The following ZNF280C variants were observed in gnomAD, a reference collection of about 807,000 sequenced individuals.
The protein encoded by ZNF280C is zinc finger protein 280C, also known as suppressor of hairy wing homolog 3.
ZNF280C carries 14 observed loss-of-function variants against 53.6 expected under a neutral mutation model. That is an observed-to-expected ratio of 0.26 (90% confidence interval 0.17 to 0.41). The LOEUF (loss-of-function observed/expected upper bound fraction) is 0.41. Ranked by LOEUF, ZNF280C falls within the 10% of genes least tolerant of loss-of-function variation. The probability of loss-of-function intolerance (pLI) is 1.00; values close to 1 mark genes in which losing one functional copy is unlikely to be tolerated. For synonymous variants in ZNF280C, 203 were observed against 181.1 expected (o/e 1.12, Z -0.97); for missense variants, 416 against 547.1 (o/e 0.76, Z 2.39).
chrX:130,267,831 C>A (rs1197877503), intron 1 of ZNF280C, among the ~76,000 whole-genome samples: 1 of 111,837 alleles, frequency 8.9e-6, no homozygotes, highest in Non-Finnish European at 1.9e-5. Flanking sequence ...GACATTACAA[C>A]TCATAGTCCA....
intron 8 of ZNF280C, 128 bp from the exon 9 acceptor site, chrX:130,230,855 CTGACCAAA>C: frequency 2.6e-6 from 1 of 385,068 alleles, no homozygotes; most frequent in Non-Finnish European, 4.3e-6. Context: ...TAGAAAGATA[CTGACCAAA>C]ATTGTGGCTT....
intron 10 of ZNF280C, 135 bp downstream of exon 10, chrX:130,228,842 A>G (rs1392419712): frequency 2.4e-5 from 14 of 583,347 alleles, no homozygotes; most frequent in South Asian, 1.9e-4. Flanking sequence ...AAAAGTTATG[A>G]TTTTTTTTTT....
intron 2 of ZNF280C, among the ~76,000 whole-genome samples, chrX:130,248,634 G>A (rs1042128613): frequency 1.8e-5 from 2 of 111,324 alleles, no homozygotes; most frequent in African/African-American, 6.5e-5. Context: ...GCACTCTTTG[G>A]TCAGCTGTCC....
chrX:130,233,349 G>A (rs898776779), intron 8 of ZNF280C, among the ~76,000 whole-genome samples: 25 of 111,716 alleles, frequency 2.2e-4, no homozygotes, highest in Non-Finnish European at 5.6e-5. Context: ...AGGTGCAGTG[G>A]CTCACGCCTG....
intron 16 of ZNF280C, among the ~76,000 whole-genome samples, chrX:130,205,947 T>A (rs767570201): frequency 4.5e-5 from 5 of 111,227 alleles, no homozygotes; most frequent in African/African-American, 1.6e-4. Context: ...TAGTGCTTTA[T>A]AAATTGTCAC....
In ZNF280C at chrX:130,202,959, G is replaced by A. The variant is rs1345808266; in HGVS notation, c.*2018C>T. 9.0e-6 allele frequency: 1 copy of A among 111,727 alleles called. No homozygotes were observed. Among genetic ancestry groups the A allele is most frequent in the Non-Finnish European group, 1.9e-5 (1 of 53,206 alleles). 9.2% of individuals were successfully genotyped at this position (111,727 alleles called of 1,213,427 possible). Reference sequence around the variant, plus strand: ...ACATTAATGGCTAAGAAGGTATTATGTATTAGATGTATAGAAATGTAACTT... The same window carrying A: ...ACATTAATGGCTAAGAAGGTATTATATATTAGATGTATAGAAATGTAACTT... On this transcript the variant is annotated 3_prime_UTR_variant, in exon 19 of 19. Transcript: ENST00000370978.
At chrX:130,214,589 G>A (rs998900445) in intron 15 of ZNF280C, among the ~76,000 whole-genome samples, 2 of 111,297 alleles carry the variant, frequency 1.8e-5, no homozygotes, top group African/African-American at 3.3e-5. Context: ...ATCCAAATCT[G>A]CAGAGACTCA....
At chrX:130,218,323 G>C (rs1215839281) in intron 13 of ZNF280C, among the ~76,000 whole-genome samples, 3 of 111,785 alleles carry the variant, frequency 2.7e-5, no homozygotes, top group African/African-American at 9.8e-5. Context: ...CTTCCTGGGG[G>C]ATCAGGGGGC....
intron 5 of ZNF280C, among the ~76,000 whole-genome samples, chrX:130,242,213 C>T (rs781195355): frequency 9.2e-6 from 1 of 108,415 alleles, no homozygotes; most frequent in South Asian, 4.1e-4. Flanking sequence ...ACTGCACTCC[C>T]ACCTGGGAGA....
intron 16 of ZNF280C, among the ~76,000 whole-genome samples, chrX:130,208,175 G>A (rs988660702): frequency 1.8e-5 from 2 of 111,753 alleles, no homozygotes; most frequent in Non-Finnish European, 3.8e-5. Flanking sequence ...TGTGGCCCAT[G>A]CTGGGGTATA....
intron 13 of ZNF280C, among the ~76,000 whole-genome samples, chrX:130,216,462 A>G (rs2032105327): frequency 8.9e-6 from 1 of 112,248 alleles, no homozygotes; most frequent in African/African-American, 3.2e-5. Flanking sequence ...AAGCAACCAA[A>G]GAGAAAATAG....
At chrX:130,209,038 T>C (rs1453838114) in intron 16 of ZNF280C, among the ~76,000 whole-genome samples, 1 of 112,174 alleles carries the variant, frequency 8.9e-6, no homozygotes, top group Non-Finnish European at 1.9e-5. Flanking sequence ...ATTTCCTCTA[T>C]GAGCTGTTGG....
At chrX:130,263,764 T>C (rs200193417) in intron 1 of ZNF280C, among the ~76,000 whole-genome samples, 1 of 111,393 alleles carries the variant, frequency 9.0e-6, no homozygotes, top group Non-Finnish European at 1.9e-5. Context: ...CGGTGGCTTA[T>C]GCCTGTAATC....
At chrX:130,257,155 C>T (rs1458586208) in intron 2 of ZNF280C, among the ~76,000 whole-genome samples, 5 of 92,482 alleles carry the variant, frequency 5.4e-5, no homozygotes, top group African/African-American at 2.1e-4. Context: ...GAGCCGAGAT[C>T]ACGCCACTGC....
chrX:130,260,921 A>G (rs1171669693), intron 1 of ZNF280C, among the ~76,000 whole-genome samples: 1 of 112,204 alleles, frequency 8.9e-6, no homozygotes, highest in African/African-American at 3.2e-5. Flanking sequence ...TGTTTTAGTA[A>G]ATCTGAATTC....
intron 12 of ZNF280C, among the ~76,000 whole-genome samples, chrX:130,223,066 A>ATT (rs200686454): frequency 9.3e-6 from 1 of 107,864 alleles, no homozygotes; most frequent in African/African-American, 3.4e-5. Context: ...TATATGAGGA[A>ATT]TTTTTTTTTC....
At chrX:130,208,441 T>C (rs2032003705) in intron 16 of ZNF280C, among the ~76,000 whole-genome samples, 1 of 111,100 alleles carries the variant, frequency 9.0e-6, no homozygotes, top group South Asian at 3.8e-4. Flanking sequence ...ATACACAGAA[T>C]TTGATCAATT....
intron 1 of ZNF280C, among the ~76,000 whole-genome samples, chrX:130,261,199 C>T (rs1205737104): frequency 9.0e-6 from 1 of 111,679 alleles, no homozygotes; most frequent in African/African-American, 3.3e-5. Context: ...AATCCGTCTA[C>T]GGTTCTTTGG....
intron 1 of ZNF280C, among the ~76,000 whole-genome samples, chrX:130,266,211 T>C (rs778903613): frequency 2.4e-3 from 270 of 112,352 alleles, no homozygotes; most frequent in African/African-American, 8.2e-3. Flanking sequence ...TTAATATTTA[T>C]CTTAATAAAA....
Sources: gnomAD v4.1 joint callset for allele counts (sites outside exome capture counted in the v4.1 genomes callset) on GRCh38, gnomAD v4.1.1 for gene constraint, MANE v1.5 for transcripts, NCBI Gene and HGNC (gene_info 2026-07-23, HGNC 2026-07-21) for gene names.